The following LDB2 variants were observed in gnomAD, a reference collection of about 807,000 sequenced individuals.
The protein encoded by LDB2 is LIM domain binding 2.
LDB2 carries 12 observed loss-of-function variants against 44.3 expected under a neutral mutation model. The observed-to-expected ratio is 0.27, with a 90% CI of 0.17 to 0.44. LDB2 has a LOEUF of 0.44. LDB2 is among the 20% of genes least tolerant of loss of function. LDB2 has a pLI of 1.00. For missense variants in LDB2, 344 were observed against 473.5 expected, an observed-to-expected ratio of 0.73 and a Z score of 2.54; for synonymous variants, 164 against 174.8, an observed-to-expected ratio of 0.94 and a Z score of 0.49.
chr4:16,735,393 G>C (rs1443301338), intron 2 of LDB2, among the ~76,000 whole-genome samples: 4 of 151,950 alleles, frequency 2.6e-5, no homozygotes, highest in Admixed American at 2.6e-4. Context: ...ATAAATAAAT[G>C]AGTAAGAAAG....
At chr4:16,582,000 G>GGGAAGGAAGGGAAGGGAA (rs1553912526) in intron 5 of LDB2, among the ~76,000 whole-genome samples, 3 of 103,818 alleles carry the variant, frequency 2.9e-5, no homozygotes, top group African/African-American at 1.0e-4. Flanking sequence ...AGGGAAGGAA[G>GGGAAGGAAGGGAAGGGAA]GGAAGGAAGG....
chr4:16,840,038 A>G (rs1785573667), intron 1 of LDB2, among the ~76,000 whole-genome samples: 1 of 152,230 alleles, frequency 6.6e-6, no homozygotes, highest in Admixed American at 6.5e-5. Context: ...TAGTAAATAC[A>G]TACTATGTCT....
chr4:16,544,136 A>C (rs1734864995), intron 5 of LDB2, among the ~76,000 whole-genome samples: 1 of 152,216 alleles, frequency 6.6e-6, no homozygotes, highest in South Asian at 2.1e-4. Flanking sequence ...GAGGATCATA[A>C]GCAGTGTCAT....
chr4:16,753,025 T>C (rs921350678), intron 2 of LDB2, among the ~76,000 whole-genome samples: 2 of 152,200 alleles, frequency 1.3e-5, no homozygotes, highest in Non-Finnish European at 2.9e-5. Flanking sequence ...CTTTCTAGGT[T>C]TCAGGTGGAC....
intron 2 of LDB2, among the ~76,000 whole-genome samples, chr4:16,697,365 G>A (rs539259736): frequency 3.0e-4 from 46 of 151,436 alleles, no homozygotes; most frequent in African/African-American, 1.0e-3. Flanking sequence ...TGAGGCAGGA[G>A]AATGGCGTGA....
chr4:16,878,449 A>G (rs1315061804), intron 1 of LDB2, among the ~76,000 whole-genome samples: 4 of 152,220 alleles, frequency 2.6e-5, no homozygotes, highest in Non-Finnish European at 5.9e-5. Context: ...ATCTTTTACC[A>G]GAAAACTATA....
At chr4:16,775,274 G>A (rs1047770520) in intron 1 of LDB2, among the ~76,000 whole-genome samples, 3 of 152,248 alleles carry the variant, frequency 2.0e-5, no homozygotes, top group South Asian at 2.1e-4. Flanking sequence ...TGGCAGAGAC[G>A]GTCCCAAAGC....
chr4:16,633,436 T>TA (rs1419596139), intron 2 of LDB2, among the ~76,000 whole-genome samples: 15 of 151,420 alleles, frequency 9.9e-5, no homozygotes, highest in South Asian at 2.1e-4. Context: ...TAAAGTATAA[T>TA]AAAAAAAATC....
At chr4:16,891,922 A>G (rs867330001) in intron 1 of LDB2, among the ~76,000 whole-genome samples, 1 of 152,244 alleles carries the variant, frequency 6.6e-6, no homozygotes, top group Non-Finnish European at 1.5e-5. Context: ...CAACCTCTGA[A>G]GCTAAACTAC....
At chr4:16,815,830 G>A (rs1050653092) in intron 1 of LDB2, among the ~76,000 whole-genome samples, 1 of 152,210 alleles carries the variant, frequency 6.6e-6, no homozygotes, top group Admixed American at 6.5e-5. Context: ...AAAGAACAGT[G>A]ACATGTGGTC....
intron 2 of LDB2, among the ~76,000 whole-genome samples, chr4:16,732,492 C>T (rs898212542): frequency 3.3e-5 from 5 of 152,166 alleles, no homozygotes; most frequent in Admixed American, 1.3e-4. Flanking sequence ...ATCACAGTGG[C>T]TCAGTCTACT....
intron 2 of LDB2, among the ~76,000 whole-genome samples, chr4:16,660,157 C>T (rs1741159474): frequency 3.3e-5 from 5 of 152,128 alleles, no homozygotes; most frequent in Admixed American, 1.3e-4. Context: ...ATAGTGCCTA[C>T]ATTTTTCATC....
At chr4:16,605,580 A>C (rs1474067961) in intron 2 of LDB2, among the ~76,000 whole-genome samples, 1 of 152,210 alleles carries the variant, frequency 6.6e-6, no homozygotes, top group Non-Finnish European at 1.5e-5. Flanking sequence ...AGAATTATCA[A>C]ACTCCCTTTT....
intron 1 of LDB2, among the ~76,000 whole-genome samples, chr4:16,766,201 C>T (rs1322287654): frequency 6.6e-6 from 1 of 151,854 alleles, no homozygotes; most frequent in African/African-American, 2.4e-5. Flanking sequence ...TCATGAAAAC[C>T]ATATGGATCT....
At chr4:16,727,184 T>A (rs79058318) in intron 2 of LDB2, among the ~76,000 whole-genome samples, 1 of 152,176 alleles carries the variant, frequency 6.6e-6, no homozygotes, top group Admixed American at 6.5e-5. Context: ...TCCTGATTCA[T>A]CAACTCAAAG....
intron 2 of LDB2, among the ~76,000 whole-genome samples, chr4:16,725,926 T>A (rs1186834069): frequency 6.7e-6 from 1 of 148,418 alleles, no homozygotes; most frequent in Non-Finnish European, 1.5e-5. Context: ...GTATACATAA[T>A]GTATAAATAT....
At chr4:16,754,812 G>A (rs369840225) in intron 2 of LDB2, among the ~76,000 whole-genome samples, 9 of 152,204 alleles carry the variant, frequency 5.9e-5, no homozygotes, top group African/African-American at 1.2e-4. Flanking sequence ...GATTACAGGC[G>A]TTAGCCACAG....
chr4:16,631,838 G>C (rs1732048168), intron 2 of LDB2, among the ~76,000 whole-genome samples: 1 of 152,154 alleles, frequency 6.6e-6, no homozygotes, highest in African/African-American at 2.4e-5. Context: ...AAATCTAGAA[G>C]AAATGGATAA....
intron 1 of LDB2, among the ~76,000 whole-genome samples, chr4:16,865,317 C>T (rs139624839): frequency 6.4e-4 from 97 of 152,300 alleles, no homozygotes; most frequent in African/African-American, 2.2e-3. Flanking sequence ...CCTCCCTGGG[C>T]TCCAGTGACC....
Sources: allele counts gnomAD v4.1 joint callset (sites outside exome capture counted in the v4.1 genomes callset), GRCh38; gene constraint gnomAD v4.1.1; transcripts MANE v1.5; gene names NCBI Gene and HGNC (gene_info 2026-07-23, HGNC 2026-07-21).